Variants in ZNF503 observed in about 807,000 individuals in gnomAD.
ZNF503 encodes NocA-like zinc finger 2.
In ZNF503, 15 loss-of-function variants were observed where a neutral mutation model predicts 34.4. The observed-to-expected ratio is 0.44, with a 90% confidence interval of 0.29 to 0.67. The LOEUF (loss-of-function observed/expected upper bound fraction) is 0.67. ZNF503 is among the 30% of genes least tolerant of loss of function. The probability of loss-of-function intolerance (pLI) is 0.13; values close to 1 mark genes in which losing one functional copy is unlikely to be tolerated. For missense variants in ZNF503, 1,007 were observed against 926.8 expected, an observed-to-expected ratio of 1.09 and a Z score of -1.12; for synonymous variants, 580 against 456.8, an observed-to-expected ratio of 1.27 and a Z score of -3.44.
At chr10:75,307,903 A>AC in the ZNF503 span, among the ~76,000 whole-genome samples, 2 of 152,000 alleles carry the variant, frequency 1.3e-5, no homozygotes, top group African/African-American at 2.4e-5. Flanking sequence ...ACATAGCAAG[A>AC]CCCCATCTCT....
At position 75,398,464 on chromosome 10, in the gene ZNF503, C is replaced by CT; in HGVS notation, c.*284dup. ...CACCGATGCAGTCCTCAGATGAACA[C>CT]TTTCTCAATTATTTTTTCCTTTTTT... On this transcript the variant is annotated 3_prime_UTR_variant, in exon 2 of 2. Transcript: ENST00000372524. 3.1e-6 allele frequency: 1 copy of CT among 318,158 alleles called. No individual in the cohort carries two copies. 19.7% of individuals were successfully genotyped at this position (318,158 alleles called of 1,614,324 possible). A position where few individuals can be genotyped will look rare whatever the true frequency, so the allele number is the denominator to read the frequency against.
At chr10:75,371,438 CTT>C in the ZNF503 span, among the ~76,000 whole-genome samples, 2 of 152,240 alleles carry the variant, frequency 1.3e-5, no homozygotes, top group East Asian at 3.9e-4. Context: ...CTCTCTACCT[CTT>C]CTCTCTCTCT....
At chr10:75,333,080 A>C in the ZNF503 span, among the ~76,000 whole-genome samples, 1 of 140,288 alleles carries the variant, frequency 7.1e-6, no homozygotes, top group Non-Finnish European at 1.5e-5. Context: ...CACCTCCCAG[A>C]CGGGGCGGCT....
the ZNF503 span, among the ~76,000 whole-genome samples, chr10:75,363,275 T>A: frequency 6.6e-6 from 1 of 152,210 alleles, no homozygotes; most frequent in East Asian, 1.9e-4. Context: ...TGGGGCTGTA[T>A]TGTGGGTCTT....
chr10:75,365,620 A>G, the ZNF503 span, among the ~76,000 whole-genome samples: 2 of 152,204 alleles, frequency 1.3e-5, no homozygotes, highest in Non-Finnish European at 2.9e-5. Flanking sequence ...GCCTGAGTTC[A>G]TGTCCTAGCC....
the ZNF503 span, among the ~76,000 whole-genome samples, chr10:75,292,147 A>G: frequency 6.6e-6 from 1 of 152,172 alleles, no homozygotes; most frequent in African/African-American, 2.4e-5. Context: ...GGGGGAGGAG[A>G]GGATCAGAAA....
At chr10:75,331,091 C>T in the ZNF503 span, among the ~76,000 whole-genome samples, 1 of 152,296 alleles carries the variant, frequency 6.6e-6, no homozygotes, top group Non-Finnish European at 1.5e-5. Flanking sequence ...GTTTAATTTT[C>T]AGGTATTTGT....
chr10:75,336,782 A>T, the ZNF503 span, among the ~76,000 whole-genome samples: 1 of 152,180 alleles, frequency 6.6e-6, no homozygotes, highest in African/African-American at 2.4e-5. Flanking sequence ...TAACTGTGGG[A>T]CTGAGGTCCC....
At chr10:75,376,549 C>G in the ZNF503 span, among the ~76,000 whole-genome samples, 7 of 152,022 alleles carry the variant, frequency 4.6e-5, no homozygotes, top group African/African-American at 1.7e-4. Context: ...GAGGCTGAGG[C>G]ATGAGAATTG....
chr10:75,287,502 C>T, the ZNF503 span, among the ~76,000 whole-genome samples: 1 of 152,162 alleles, frequency 6.6e-6, no homozygotes, highest in Non-Finnish European at 1.5e-5. Context: ...CTACTCTCTC[C>T]TGGGCTGTCT....
In ZNF503 at chr10:75,401,426, C is replaced by T. The variant is rs1035540527; in HGVS notation, c.-7G>A. ...GCGAGGGCGCTGTGCTCATGACCCA[C>T]CCGCGCGCATGGGAGCAGCGGGGGG... On this transcript the variant is annotated 5_prime_UTR_variant, in exon 1 of 2. In the 5' UTR this introduces an upstream ATG that the reference lacks. Coordinates refer to ENST00000372524, the MANE Select transcript of ZNF503 (RefSeq NM_032772.6). The T allele has an allele frequency of 2.9e-5, 45 of 1,534,390 alleles. No homozygotes were observed. Among genetic ancestry groups the T allele is most frequent in the Non-Finnish European group, 3.4e-5 (39 of 1,145,220 alleles).
At chr10:75,374,058 G>A in the ZNF503 span, among the ~76,000 whole-genome samples, 1,081 of 152,332 alleles carry the variant, frequency 7.1e-3, 11 homozygotes, top group African/African-American at 0.025. Flanking sequence ...TCACGTCTGT[G>A]ACCCCAGCAC....
At chr10:75,343,020 G>A in the ZNF503 span, among the ~76,000 whole-genome samples, 27,141 of 152,144 alleles carry the variant, frequency 0.18, 2,593 homozygotes, top group South Asian at 0.28. Context: ...AAGAAGTGAC[G>A]CTTGAGCTGA....
chr10:75,330,515 T>C, the ZNF503 span, among the ~76,000 whole-genome samples: 1 of 152,200 alleles, frequency 6.6e-6, no homozygotes, highest in Admixed American at 6.5e-5. Flanking sequence ...TTATTACAGA[T>C]TGAATCTTGT....
At chr10:75,352,282 C>T in the ZNF503 span, among the ~76,000 whole-genome samples, 1 of 152,336 alleles carries the variant, frequency 6.6e-6, no homozygotes, top group African/African-American at 2.4e-5. Context: ...AAGGCCCTGC[C>T]CTCGGATAGA....
At chr10:75,323,932 A>C in the ZNF503 span, among the ~76,000 whole-genome samples, 3 of 149,204 alleles carry the variant, frequency 2.0e-5, no homozygotes, top group African/African-American at 7.4e-5. Flanking sequence ...AACCTGCCTC[A>C]GCCTGCAAGA....
At chr10:75,317,936 C>T in the ZNF503 span, among the ~76,000 whole-genome samples, 4 of 152,138 alleles carry the variant, frequency 2.6e-5, no homozygotes, top group Admixed American at 1.3e-4. Flanking sequence ...GTGGAGGTTG[C>T]AGTGAGCTGA....
the ZNF503 span, among the ~76,000 whole-genome samples, chr10:75,374,936 C>G: frequency 6.6e-6 from 1 of 152,270 alleles, no homozygotes; most frequent in African/African-American, 2.4e-5. Context: ...CAAGGCAGTA[C>G]CTAGGATCTC....
intron 1 of ZNF503, chr10:75,400,860 T>C (rs1001589816): frequency 8.0e-6 from 5 of 623,888 alleles, no homozygotes; most frequent in Non-Finnish European, 1.4e-5. Context: ...TGGGTCGGGG[T>C]AGGGGCTTTC....
Sources: allele counts gnomAD v4.1 joint callset (sites outside exome capture counted in the v4.1 genomes callset), GRCh38; gene constraint gnomAD v4.1.1; transcripts MANE v1.5; gene names NCBI Gene and HGNC (gene_info 2026-07-23, HGNC 2026-07-21).